The following FOXO1 variants were observed in gnomAD, a reference collection of about 807,000 sequenced individuals.
FOXO1 encodes forkhead box protein O1.
In FOXO1, 6 loss-of-function variants were observed where a neutral mutation model predicts 44.1. That is an observed-to-expected ratio of 0.14 (90% CI 0.07 to 0.27). The LOEUF is 0.27. Ranked by LOEUF, FOXO1 falls within the 10% of genes least tolerant of loss-of-function variation. The probability of loss-of-function intolerance (pLI) is 1.00; values close to 1 mark genes in which losing one functional copy is unlikely to be tolerated. For synonymous variants in FOXO1, 380 were observed against 362.7 expected, an observed-to-expected ratio of 1.05 and a Z score of -0.54; for missense variants, 737 against 888.8, an observed-to-expected ratio of 0.83 and a Z score of 2.17.
At chr13:40,664,001 A>T (rs1878128810) in intron 1 of FOXO1, among the ~76,000 whole-genome samples, 1 of 152,184 alleles carries the variant, frequency 6.6e-6, no homozygotes. Context: ...TCGGCCGGGA[A>T]CGGTGGCTCA....
intron 1 of FOXO1, among the ~76,000 whole-genome samples, chr13:40,640,334 CAAT>C (rs987896770): frequency 2.0e-5 from 3 of 152,230 alleles, no homozygotes; most frequent in African/African-American, 7.2e-5. Flanking sequence ...CTAAGCCAAG[CAAT>C]GTCTGGCTCT....
intron 1 of FOXO1, among the ~76,000 whole-genome samples, chr13:40,584,944 A>G (rs1209697805): frequency 6.6e-6 from 1 of 152,202 alleles, no homozygotes; most frequent in East Asian, 1.9e-4. Context: ...GATTCTTTTC[A>G]GTTCTACTAT....
intron 1 of FOXO1, among the ~76,000 whole-genome samples, chr13:40,641,199 G>C (rs531096159): frequency 2.6e-5 from 4 of 152,250 alleles, no homozygotes; most frequent in South Asian, 4.1e-4. Flanking sequence ...GGGGGTGACA[G>C]AGCCAACAGT....
chr13:40,603,407 A>G (rs1875883327), intron 1 of FOXO1, among the ~76,000 whole-genome samples: 1 of 151,388 alleles, frequency 6.6e-6, no homozygotes, highest in Non-Finnish European at 1.5e-5. Flanking sequence ...TTAAATATAT[A>G]CATATATTAT....
intron 1 of FOXO1, among the ~76,000 whole-genome samples, chr13:40,563,861 C>T (rs1219383982): frequency 1.3e-5 from 2 of 152,194 alleles, no homozygotes; most frequent in African/African-American, 2.4e-5. Context: ...TCAGCAGGCC[C>T]GCACTTGGGG....
chr13:40,613,045 C>T (rs1876290858), intron 1 of FOXO1, among the ~76,000 whole-genome samples: 1 of 152,340 alleles, frequency 6.6e-6, no homozygotes, highest in Middle Eastern at 3.4e-3. Context: ...AAGAATTAAA[C>T]TTTAATCAGC....
rs1873803039 is a variant in FOXO1 at position 40,557,519 on chromosome 13, T to A, written c.*1530A>T. On this transcript the variant is annotated 3_prime_UTR_variant, in exon 3 of 3. Transcript: ENST00000379561. ...TAAGTTCTATTCCATTTGCTACCCATCTGAACTTATGAACACAAATTCTAC... is the reference window on the plus strand; with the variant it reads ...TAAGTTCTATTCCATTTGCTACCCAACTGAACTTATGAACACAAATTCTAC... The A allele has an allele frequency of 6.6e-6, 1 of 152,250 alleles. No homozygotes were observed. Among genetic ancestry groups the A allele is most frequent in the East Asian group, 1.9e-4 (1 of 5,202 alleles). The allele number at this position is 152,250 out of a possible 1,614,324, so 9.4% of individuals were successfully genotyped here. A position where few individuals can be genotyped will look rare whatever the true frequency, so the allele number is the denominator to read the frequency against.
At chr13:40,664,682 C>T (rs915184575) in intron 1 of FOXO1, among the ~76,000 whole-genome samples, 1 of 152,174 alleles carries the variant, frequency 6.6e-6, no homozygotes, top group Non-Finnish European at 1.5e-5. Context: ...AACTAAAAGC[C>T]TCCTACCAGG....
chr13:40,623,364 T>C (rs547037462), intron 1 of FOXO1, among the ~76,000 whole-genome samples: 1 of 152,318 alleles, frequency 6.6e-6, no homozygotes, highest in East Asian at 1.9e-4. Context: ...TGCATTTACG[T>C]CTGTGTGTAT....
At chr13:40,626,614 T>A (rs1017605581) in intron 1 of FOXO1, among the ~76,000 whole-genome samples, 2 of 152,206 alleles carry the variant, frequency 1.3e-5, no homozygotes, top group African/African-American at 4.8e-5. Flanking sequence ...CTAGGCTACA[T>A]AACAAAGTTG....
At chr13:40,635,866 C>T (rs925338855) in intron 1 of FOXO1, among the ~76,000 whole-genome samples, 1 of 152,218 alleles carries the variant, frequency 6.6e-6, no homozygotes, top group African/African-American at 2.4e-5. Flanking sequence ...GCTGCCCCTC[C>T]CTGGGGACCA....
chr13:40,634,057 G>GA (rs1306783729), intron 1 of FOXO1, among the ~76,000 whole-genome samples: 1 of 152,126 alleles, frequency 6.6e-6, no homozygotes, highest in African/African-American at 2.4e-5. Context: ...CCTATTCTCT[G>GA]GATGAGGCAC....
chr13:40,623,811 A>G (rs1593404737), intron 1 of FOXO1, among the ~76,000 whole-genome samples: 2 of 152,046 alleles, frequency 1.3e-5, no homozygotes, highest in African/African-American at 2.4e-5. Flanking sequence ...ATGGTCAAGA[A>G]GTTCCCCAGG....
chr13:40,617,175 G>A (rs539511979), intron 1 of FOXO1, among the ~76,000 whole-genome samples: 1 of 152,386 alleles, frequency 6.6e-6, no homozygotes, highest in South Asian at 2.1e-4. Flanking sequence ...GCCAGGCACA[G>A]TGGCTCACGC....
intron 1 of FOXO1, among the ~76,000 whole-genome samples, chr13:40,633,213 G>T (rs138546561): frequency 1.3e-5 from 2 of 152,126 alleles, no homozygotes; most frequent in African/African-American, 2.4e-5. Flanking sequence ...TCAAAAGGTC[G>T]AACAAACAGT....
intron 1 of FOXO1, among the ~76,000 whole-genome samples, chr13:40,566,540 G>A (rs1263772122): frequency 6.6e-6 from 1 of 151,954 alleles, no homozygotes; most frequent in East Asian, 1.9e-4. Flanking sequence ...CACCACGCCT[G>A]GCTAATTATT....
chr13:40,612,708 G>C (rs1023901764), intron 1 of FOXO1, among the ~76,000 whole-genome samples: 2 of 152,168 alleles, frequency 1.3e-5, no homozygotes, highest in Non-Finnish European at 2.9e-5. Flanking sequence ...TTGAGAGAGA[G>C]AGAAACCACA....
chr13:40,571,373 A>C (rs1194123887), intron 1 of FOXO1, among the ~76,000 whole-genome samples: 1 of 152,180 alleles, frequency 6.6e-6, no homozygotes, highest in Non-Finnish European at 1.5e-5. Context: ...AAGTACTATA[A>C]AAAAAGTAAA....
chr13:40,594,554 TGGGG>T (rs1263722559), intron 1 of FOXO1, among the ~76,000 whole-genome samples: 36 of 152,130 alleles, frequency 2.4e-4, no homozygotes, highest in Admixed American at 1.9e-3. Context: ...CCTGCCACAG[TGGGG>T]AGCACCTTTC....
Sources: allele counts gnomAD v4.1 joint callset (sites outside exome capture counted in the v4.1 genomes callset), GRCh38; gene constraint gnomAD v4.1.1; transcripts MANE v1.5; gene names NCBI Gene and HGNC (gene_info 2026-07-23, HGNC 2026-07-21).